SH3RF2: variants seen among roughly 807,000 people sequenced by gnomAD.
SH3RF2 encodes SH3 domain containing ring finger 2.
A neutral mutation model predicts 59.0 loss-of-function variants in SH3RF2; 43 were observed. The observed-to-expected ratio is 0.73, with a 90% CI of 0.57 to 0.94. The LOEUF (loss-of-function observed/expected upper bound fraction) is 0.94. SH3RF2 is among the 40% of genes least tolerant of loss of function. The probability of loss-of-function intolerance (pLI) is 0.00; values close to 1 mark genes in which losing one functional copy is unlikely to be tolerated. For synonymous variants in SH3RF2, 391 were observed against 391.5 expected (o/e 1.00, Z 0.01); for missense variants, 930 against 940.1 (o/e 0.99, Z 0.14).
chr5:146,038,297 T>C (rs948356151), intron 5 of SH3RF2, among the ~76,000 whole-genome samples: 1 of 152,230 alleles, frequency 6.6e-6, no homozygotes, highest in Non-Finnish European at 1.5e-5. Flanking sequence ...TTTTCATGTT[T>C]CTGCTCAACA....
chr5:146,039,076 G>A (rs911616178), intron 5 of SH3RF2, among the ~76,000 whole-genome samples: 1 of 152,202 alleles, frequency 6.6e-6, no homozygotes, highest in Admixed American at 6.5e-5. Flanking sequence ...ATGAACTATG[G>A]TGCTGGGCTA....
intron 5 of SH3RF2, among the ~76,000 whole-genome samples, chr5:146,036,855 T>C (rs1239839356): frequency 1.3e-5 from 2 of 152,178 alleles, no homozygotes; most frequent in African/African-American, 4.8e-5. Flanking sequence ...GTGCCAGGGA[T>C]GGAAGCCTCA....
intron 5 of SH3RF2, among the ~76,000 whole-genome samples, chr5:146,028,846 C>T (rs1761638264): frequency 6.6e-6 from 1 of 152,170 alleles, no homozygotes; most frequent in Non-Finnish European, 1.5e-5. Flanking sequence ...CCTGACACTT[C>T]CCACAGGTAG....
intron 5 of SH3RF2, among the ~76,000 whole-genome samples, chr5:146,040,737 T>C (rs1762096741): frequency 6.6e-6 from 1 of 152,104 alleles, no homozygotes; most frequent in Admixed American, 6.5e-5. Context: ...TCAGGACAAA[T>C]AAATAGCTCT....
At chr5:146,038,300 G>GCT (rs1037385301) in intron 5 of SH3RF2, among the ~76,000 whole-genome samples, 5 of 152,184 alleles carry the variant, frequency 3.3e-5, no homozygotes, top group African/African-American at 1.2e-4. Context: ...TCATGTTTCT[G>GCT]CTCAACACTG....
chr5:146,074,140 CG>C (rs1763294935), intron 9 of SH3RF2, among the ~76,000 whole-genome samples: 1 of 150,702 alleles, frequency 6.6e-6, no homozygotes, highest in African/African-American at 2.5e-5. Context: ...CCCGGGTTCA[CG>C]CCATTCTCCT....
downstream of SH3RF2, among the ~76,000 whole-genome samples, chr5:146,063,638 C>T (rs2962526): frequency 0.94 from 142,662 of 152,238 alleles, 67,535 homozygotes; most frequent in East Asian, 1. Flanking sequence ...GGTGGGCAGA[C>T]CACTTGAGGT....
intron 7 of SH3RF2, among the ~76,000 whole-genome samples, chr5:146,054,321 A>G (rs2150018429): frequency 6.6e-6 from 1 of 152,316 alleles, no homozygotes; most frequent in South Asian, 2.1e-4. Context: ...GACTGATGGA[A>G]TAAGGCTGGT....
At chr5:146,057,984 C>CTATATATATATATATATATATATATA (rs751628879) in intron 8 of SH3RF2, among the ~76,000 whole-genome samples, 5 of 145,730 alleles carry the variant, frequency 3.4e-5, no homozygotes, top group African/African-American at 8.0e-5. Flanking sequence ...ATCTATCTAT[C>CTATATATATATATATATATATATATA]TATATATATA....
intron 5 of SH3RF2, among the ~76,000 whole-genome samples, chr5:146,023,975 T>C (rs1002896467): frequency 6.6e-6 from 1 of 152,240 alleles, no homozygotes; most frequent in Admixed American, 6.5e-5. Context: ...TTCTATTGTA[T>C]GAATATACCA....
intron 2 of SH3RF2, among the ~76,000 whole-genome samples, chr5:145,986,169 C>T (rs766648073): frequency 5.3e-5 from 8 of 152,104 alleles, no homozygotes; most frequent in East Asian, 1.9e-4. Context: ...TTGTAAATCA[C>T]GTTCAGGGGC....
chr5:145,953,698 C>T (rs1221324299), intron 2 of SH3RF2, among the ~76,000 whole-genome samples: 1 of 152,138 alleles, frequency 6.6e-6, no homozygotes, highest in Non-Finnish European at 1.5e-5. Context: ...TTCTGCTCCT[C>T]TCCCTCCTCC....
chr5:146,055,786 A>T, intron 7 of SH3RF2, 195 bp from the exon 8 acceptor site: 1 of 615,498 alleles, frequency 1.6e-6, no homozygotes. Context: ...CCTCACAGTT[A>T]TCCGGGTGTA....
intron 2 of SH3RF2, among the ~76,000 whole-genome samples, chr5:145,990,090 A>G (rs1455423902): frequency 6.6e-6 from 1 of 152,226 alleles, no homozygotes; most frequent in East Asian, 1.9e-4. Flanking sequence ...AATTGGGGAT[A>G]TAGAGAATTG....
chr5:146,046,394 C>T (rs536394966), intron 5 of SH3RF2, among the ~76,000 whole-genome samples: 1 of 150,252 alleles, frequency 6.7e-6, no homozygotes, highest in Admixed American at 6.7e-5. Flanking sequence ...CACAAATACA[C>T]AAACAATAGT....
intron 3 of SH3RF2, among the ~76,000 whole-genome samples, chr5:146,002,243 G>T (rs1023044022): frequency 5.9e-5 from 9 of 152,156 alleles, no homozygotes; most frequent in African/African-American, 2.2e-4. Context: ...TTGAGGTCAG[G>T]AGTTTGAGAC....
Position 145,937,970 on chromosome 5 carries a change from G to A in SH3RF2, c.42G>A (p.Val14=). ...TACTTGATCTTCTGGAGTGCCCTGT[G>A]TGCTTTGAGAAGCTCGATGTCACAG... The part of the protein sequence containing the change: ...LTLLDLLECP[V]CFEKLDVTAK... The change falls in exon 2 of 10, where the codon GTG becomes GTA. Residue 14 remains valine, a synonymous_variant. Transcript: ENST00000359120. 6.2e-7 allele frequency: 1 copy of A among 1,614,186 alleles called. No individual in the cohort carries two copies.
intron 5 of SH3RF2, among the ~76,000 whole-genome samples, chr5:146,039,074 T>A (rs958696503): frequency 1.3e-5 from 2 of 152,208 alleles, no homozygotes; most frequent in Non-Finnish European, 2.9e-5. Flanking sequence ...GGATGAACTA[T>A]GGTGCTGGGC....
intron 5 of SH3RF2, among the ~76,000 whole-genome samples, chr5:146,033,145 C>G (rs1761799504): frequency 6.6e-6 from 1 of 151,990 alleles, no homozygotes; most frequent in Admixed American, 6.5e-5. Flanking sequence ...GGTATTTAGC[C>G]CTTTGGTTTG....
Sources: allele counts gnomAD v4.1 joint callset (sites outside exome capture counted in the v4.1 genomes callset), GRCh38; gene constraint gnomAD v4.1.1; transcripts MANE v1.5; gene names NCBI Gene and HGNC (gene_info 2026-07-23, HGNC 2026-07-21).